MGMT: variants seen among roughly 807,000 people sequenced by gnomAD.
MGMT encodes methylated-DNA--protein-cysteine methyltransferase.
Under a neutral mutation model 15.9 loss-of-function variants are expected in MGMT, and 14 were observed. The ratio of observed to expected loss-of-function variants is 0.88; its 90% CI spans 0.58 to 1.37. The LOEUF is 1.37. MGMT is among the 40% of genes most tolerant of loss of function. The pLI, the probability that MGMT is intolerant of heterozygous loss-of-function variation, is 0.00. For synonymous variants in MGMT, 130 were observed against 118.2 expected (o/e 1.10, Z -0.65); for missense variants, 282 against 268.1 (o/e 1.05, Z -0.36).
At chr10:129,691,239 T>C (rs1040044535) in intron 2 of MGMT, among the ~76,000 whole-genome samples, 5 of 152,174 alleles carry the variant, frequency 3.3e-5, no homozygotes, top group Non-Finnish European at 7.3e-5. Flanking sequence ...AGCCCCAGTG[T>C]GGCACAGCTG....
At position 129,571,380 on chromosome 10, in the gene MGMT, C is replaced by A. The variant is rs567736697; in HGVS notation, c.125+35003C>A. ...CATTATAATTGAACAACATAATCTG[C>A]AGGGCAAAGATGCCTGCTACCCAGC... On this transcript the variant is annotated intron_variant, in intron 2 of 4. Transcript: ENST00000651593. Among the ~76,000 whole-genome samples, 4 of 152,302 alleles carry A rather than the reference C, an allele frequency of 2.6e-5. No individual in the cohort carries two copies. The East Asian group carries it at 5.8e-4, about 22-fold the overall frequency.
At chr10:129,574,035 G>C (rs1458036828) in intron 2 of MGMT, among the ~76,000 whole-genome samples, 1 of 152,132 alleles carries the variant, frequency 6.6e-6, no homozygotes, top group Non-Finnish European at 1.5e-5. Flanking sequence ...CCGACCCAAC[G>C]ACAAAATAAC....
chr10:129,642,576 G>T (rs1847339452), intron 2 of MGMT, among the ~76,000 whole-genome samples: 1 of 152,198 alleles, frequency 6.6e-6, no homozygotes, highest in Admixed American at 6.5e-5. Context: ...GAGTCAACAT[G>T]TCTGGCCTCA....
intron 2 of MGMT, among the ~76,000 whole-genome samples, chr10:129,626,684 A>G (rs509041): frequency 0.48 from 72,760 of 152,072 alleles, 17,953 homozygotes; most frequent in East Asian, 0.62. Context: ...CTCCGGTTCC[A>G]GCTACACCAG....
intron 2 of MGMT, among the ~76,000 whole-genome samples, chr10:129,606,271 G>A (rs1312260771): frequency 6.6e-6 from 1 of 152,206 alleles, no homozygotes; most frequent in East Asian, 1.9e-4. Context: ...CTGCCTGCCT[G>A]CCTGTCTGGC....
chr10:129,481,633 G>T (rs954200083), intron 1 of MGMT, among the ~76,000 whole-genome samples: 2 of 152,086 alleles, frequency 1.3e-5, no homozygotes, highest in African/African-American at 4.8e-5. Context: ...GGGCCATTCA[G>T]GTCATTTATT....
rs573970121 is a variant in MGMT at position 129,659,111 on chromosome 10, C to A, written c.126-48784C>A. Among the ~76,000 whole-genome samples, 89 of 152,260 alleles carry A rather than the reference C, an allele frequency of 5.8e-4. 1 individual carries two copies. Among genetic ancestry groups the A allele is most frequent in the African/African-American group, 2.0e-3 (84 of 41,538 alleles). ...GTGGCTCACACCTGTAATCCCAACACTTTGGGAGGCCGAGGCAGGTGGATT... is the reference window on the plus strand; with the variant it reads ...GTGGCTCACACCTGTAATCCCAACAATTTGGGAGGCCGAGGCAGGTGGATT... On this transcript the variant is annotated intron_variant, in intron 2 of 4. Transcript: ENST00000651593. This position sits in a 1 kb window ranked among gnomAD's most constrained non-coding sequence, Gnocchi z 4.1.
chr10:129,653,972 C>T (rs1847494511), intron 2 of MGMT, among the ~76,000 whole-genome samples: 1 of 152,088 alleles, frequency 6.6e-6, no homozygotes, highest in African/African-American at 2.4e-5. Flanking sequence ...CTTGGTGGCC[C>T]TCAGAGACCC....
At chr10:129,524,552 A>G (rs1476865324) in intron 1 of MGMT, among the ~76,000 whole-genome samples, 1 of 143,356 alleles carries the variant, frequency 7.0e-6, no homozygotes, top group African/African-American at 2.6e-5. Flanking sequence ...AAAGAAACAG[A>G]TGATAGTTAC....
At chr10:129,606,543 GA>G (rs1846893540) in intron 2 of MGMT, among the ~76,000 whole-genome samples, 1 of 152,214 alleles carries the variant, frequency 6.6e-6, no homozygotes, top group African/African-American at 2.4e-5. Context: ...TACTTTGAAT[GA>G]AAAGTCATTT....
At chr10:129,490,483 G>A (rs1344934646) in intron 1 of MGMT, among the ~76,000 whole-genome samples, 2 of 111,834 alleles carry the variant, frequency 1.8e-5, no homozygotes, top group Non-Finnish European at 3.6e-5. Flanking sequence ...TGTTTTTAAG[G>A]TTATTTATTC....
At chr10:129,524,410 G>A (rs980445472) in intron 1 of MGMT, among the ~76,000 whole-genome samples, 7 of 152,228 alleles carry the variant, frequency 4.6e-5, no homozygotes, top group African/African-American at 1.2e-4. Context: ...TGCACCGTGC[G>A]TGTACACCTG....
chr10:129,642,270 GA>G (rs1847336703), intron 2 of MGMT, among the ~76,000 whole-genome samples: 1 of 152,188 alleles, frequency 6.6e-6, no homozygotes, highest in South Asian at 2.1e-4. Context: ...TCATCATTAT[GA>G]AATGTAAAAA....
chr10:129,489,359 C>CAAAAAAA (rs34274988), intron 1 of MGMT, among the ~76,000 whole-genome samples: 1 of 57,344 alleles, frequency 1.7e-5, no homozygotes, highest in African/African-American at 7.5e-5. Flanking sequence ...GACTCTGTCT[C>CAAAAAAA]AAAAAAAAAA....
At chr10:129,733,378 G>A (rs1299483188) in intron 3 of MGMT, among the ~76,000 whole-genome samples, 3 of 152,036 alleles carry the variant, frequency 2.0e-5, no homozygotes, top group Admixed American at 1.3e-4. Context: ...GTCTGTTCAT[G>A]TCCTTCGCCC....
chr10:129,690,863 T>G (rs140904231), intron 2 of MGMT, among the ~76,000 whole-genome samples: 21 of 152,118 alleles, frequency 1.4e-4, no homozygotes, highest in South Asian at 4.2e-4. Flanking sequence ...ATGCAGAGTT[T>G]GGATCTGATT....
chr10:129,670,037 G>C (rs1847704439), intron 2 of MGMT, among the ~76,000 whole-genome samples: 1 of 152,114 alleles, frequency 6.6e-6, no homozygotes, highest in Non-Finnish European at 1.5e-5. Context: ...TCATTGAAGT[G>C]CTTTGTGATA....
At chr10:129,577,621 C>T (rs1846500465) in intron 2 of MGMT, among the ~76,000 whole-genome samples, 1 of 152,168 alleles carries the variant, frequency 6.6e-6, no homozygotes, top group Admixed American at 6.5e-5. Flanking sequence ...AGGACATAGG[C>T]ATGGGCAAGG....
intron 2 of MGMT, among the ~76,000 whole-genome samples, chr10:129,554,157 T>C (rs1483921700): frequency 6.6e-6 from 1 of 152,220 alleles, no homozygotes; most frequent in Non-Finnish European, 1.5e-5. Flanking sequence ...ACACCTATTC[T>C]GTGACCTGAT....
Sources: allele counts gnomAD v4.1 joint callset (sites outside exome capture counted in the v4.1 genomes callset), GRCh38; gene constraint gnomAD v4.1.1; non-coding constraint Gnocchi (gnomAD v3.1); transcripts MANE v1.5; gene names NCBI Gene and HGNC (gene_info 2026-07-23, HGNC 2026-07-21).